Variants in MTUS2 observed in about 807,000 individuals in gnomAD.
MTUS2 encodes the protein microtubule-associated tumor suppressor candidate 2.
MTUS2 carries 40 observed loss-of-function variants against 114.1 expected under a neutral mutation model. That is an observed-to-expected ratio of 0.35 (90% confidence interval 0.27 to 0.46). The LOEUF is 0.46. Ranked by LOEUF, MTUS2 falls within the 20% of genes least tolerant of loss-of-function variation. MTUS2 has a pLI of 1.00. For missense variants in MTUS2, 1,679 were observed against 1,705.4 expected, an observed-to-expected ratio of 0.98 and a Z score of 0.27; for synonymous variants, 688 against 672.0, an observed-to-expected ratio of 1.02 and a Z score of -0.37.
At chr13:29,307,230 CTGCACCATGAATTGCTT>C in intron 6 of MTUS2, 1 of 603,348 alleles carries the variant, frequency 1.7e-6, no homozygotes, top group South Asian at 1.6e-5. Context: ...GCAATGCCTC[CTGCACCATGAATTGCTT>C]AGCACCCCTG....
At chr13:28,903,613 A>G (rs1468715836) in intron 2 of MTUS2, among the ~76,000 whole-genome samples, 1 of 151,828 alleles carries the variant, frequency 6.6e-6, no homozygotes, top group Non-Finnish European at 1.5e-5. Flanking sequence ...TTATGGCTGC[A>G]TAGCATTCCA....
intron 5 of MTUS2, among the ~76,000 whole-genome samples, chr13:29,260,188 C>G (rs1897418098): frequency 6.6e-6 from 1 of 152,228 alleles, no homozygotes; most frequent in Non-Finnish European, 1.5e-5. Flanking sequence ...TGAAAGGCAG[C>G]ACCATCTGTT....
intron 6 of MTUS2, among the ~76,000 whole-genome samples, chr13:29,319,475 G>A (rs1439956682): frequency 2.0e-5 from 3 of 152,200 alleles, no homozygotes; most frequent in Admixed American, 6.5e-5. Flanking sequence ...GCCAGCTTGG[G>A]CATCTATCGA....
At position 29,025,278 on chromosome 13, in the gene MTUS2, C is replaced by T. The variant is rs1185793805; in HGVS notation, c.580C>T (p.His194Tyr). The T allele has an allele frequency of 6.2e-7, 1 of 1,613,850 alleles. No individual in the cohort carries two copies. The highest frequency in any genetic ancestry group is 8.5e-7 in the Non-Finnish European group (1 of 1,179,898). The part of the protein sequence containing the change: ...VAAVGSLTPQ[H>Y]PQPLSLDSRE... ...TGCAGTCGGGAGCCTGACTCCGCAG[C>T]ATCCACAGCCTCTATCCCTCGACTC... The change falls in exon 3 of 16, where the codon CAT (histidine) becomes TAT (tyrosine). Residue 194 changes from histidine to tyrosine, a missense_variant. Transcript: ENST00000612955.
At chr13:29,227,142 C>T (rs550335641) in intron 5 of MTUS2, among the ~76,000 whole-genome samples, 1 of 151,286 alleles carries the variant, frequency 6.6e-6, no homozygotes, top group African/African-American at 2.4e-5. Context: ...GCCTGTAATA[C>T]GAGCTACTCG....
intron 2 of MTUS2, among the ~76,000 whole-genome samples, chr13:28,893,176 C>T (rs775805525): frequency 3.0e-4 from 45 of 152,096 alleles, no homozygotes; most frequent in Non-Finnish European, 1.3e-4. Flanking sequence ...GATTTTTGAG[C>T]ATGCAGTTGA....
chr13:28,899,280 A>G (rs1472781056), intron 2 of MTUS2, among the ~76,000 whole-genome samples: 1 of 152,238 alleles, frequency 6.6e-6, no homozygotes, highest in Non-Finnish European at 1.5e-5. Context: ...TTCTCTGTAT[A>G]TCGTGAACTG....
chr13:29,104,267 C>T (rs2149322), intron 5 of MTUS2, among the ~76,000 whole-genome samples: 102,213 of 152,028 alleles, frequency 0.67, 35,059 homozygotes, highest in Non-Finnish European at 0.74. Context: ...ATCTTACCAT[C>T]CAGTTTACCA....
intron 5 of MTUS2, among the ~76,000 whole-genome samples, chr13:29,188,777 TCTG>T: frequency 6.6e-6 from 1 of 152,240 alleles, no homozygotes; most frequent in Non-Finnish European, 1.5e-5. Flanking sequence ...TACCTCCCCT[TCTG>T]AGTAGTAGCC....
intron 4 of MTUS2, among the ~76,000 whole-genome samples, chr13:29,090,948 T>C (rs978224064): frequency 6.6e-6 from 1 of 152,160 alleles, no homozygotes; most frequent in Non-Finnish European, 1.5e-5. Flanking sequence ...TGGAGTATCC[T>C]GCAGCTAGGA....
intron 6 of MTUS2, among the ~76,000 whole-genome samples, chr13:29,293,806 C>A (rs1208505866): frequency 6.6e-6 from 1 of 151,932 alleles, no homozygotes; most frequent in East Asian, 1.9e-4. Context: ...CATAACATGT[C>A]ATTAAAGGTA....
intron 4 of MTUS2, among the ~76,000 whole-genome samples, chr13:29,044,801 G>A (rs1475859378): frequency 1.3e-5 from 2 of 152,206 alleles, no homozygotes; most frequent in East Asian, 1.9e-4. Flanking sequence ...AGGCTGATAT[G>A]AAGATATCAG....
chr13:29,485,943 C>T (rs1593503231), intron 10 of MTUS2, among the ~76,000 whole-genome samples: 2 of 141,426 alleles, frequency 1.4e-5, no homozygotes, highest in East Asian at 2.3e-4. Context: ...GCGGGGGAAG[C>T]GGGGGCCTGT....
intron 5 of MTUS2, among the ~76,000 whole-genome samples, chr13:29,194,752 C>G (rs1365822739): frequency 6.6e-6 from 1 of 151,076 alleles, no homozygotes; most frequent in African/African-American, 2.4e-5. Context: ...TGGGTATATA[C>G]CCAAAGGACT....
chr13:29,287,923 C>T (rs1342392513), intron 6 of MTUS2, among the ~76,000 whole-genome samples: 3 of 152,200 alleles, frequency 2.0e-5, no homozygotes, highest in Non-Finnish European at 4.4e-5. Context: ...ATTATTAAAA[C>T]GTTGACCGAT....
chr13:29,281,742 G>A lies in MTUS2; in HGVS notation c.2683G>A (p.Ala895Thr), dbSNP rs2139541851. The change falls in exon 6 of 16, where the codon GCA becomes ACA. Residue 895 changes from alanine to threonine, a missense_variant. Physicochemically the swap from Ala to Thr is moderately conservative, Grantham distance 58. Coordinates refer to ENST00000612955, the MANE Select transcript of MTUS2 (RefSeq NM_001033602.4). ...GAATGAAGAACAGCCAGTTCTGAAGGCATCTCTGCCTTCTAAGGACACACC... is the reference window on the plus strand; with the variant it reads ...GAATGAAGAACAGCCAGTTCTGAAGACATCTCTGCCTTCTAAGGACACACC... ...FGNEEQPVLK[A>T]SLPSKDTPKG... The A allele has an allele frequency of 6.2e-7, 1 of 1,610,666 alleles. No homozygotes were observed. Among genetic ancestry groups the A allele is most frequent in the East Asian group, 2.2e-5 (1 of 44,692 alleles).
intron 5 of MTUS2, among the ~76,000 whole-genome samples, chr13:29,107,072 G>A (rs925173404): frequency 3.3e-5 from 5 of 151,904 alleles, no homozygotes; most frequent in Admixed American, 6.6e-5. Context: ...ATCCCTACCC[G>A]CACCACCTGC....
intron 6 of MTUS2, among the ~76,000 whole-genome samples, chr13:29,309,265 A>G (rs981916884): frequency 3.9e-5 from 6 of 152,186 alleles, no homozygotes; most frequent in East Asian, 1.9e-4. Context: ...AAGGAATGAG[A>G]TCATGTCCTT....
rs1389935816 is a variant in MTUS2, at chr13:29,281,792, T to C, written c.2733T>C (p.Pro911=). 1.9e-6 allele frequency: 3 copies of C among 1,612,106 alleles called. No individual in the cohort carries two copies. The highest frequency in any genetic ancestry group is 2.5e-6 in the Non-Finnish European group (3 of 1,178,554). ...DTPKGAGRVA[P]PASSSVTAPR... ...CCAAGGGGGCCGGCCGGGTGGCCCC[T>C]CCAGCATCCTCCAGTGTGACAGCAC... is the stretch of plus-strand genomic sequence containing the variant. Residue 911 remains proline (P), a synonymous_variant, in exon 6 of 16, where the codon CCT becomes CCC. Transcript: ENST00000612955.
Sources: allele counts gnomAD v4.1 joint callset (sites outside exome capture counted in the v4.1 genomes callset), GRCh38; gene constraint gnomAD v4.1.1; transcripts MANE v1.5; gene names NCBI Gene and HGNC (gene_info 2026-07-23, HGNC 2026-07-21).